HDX: variants seen among roughly 807,000 people sequenced by gnomAD.
HDX encodes the protein highly divergent homeobox.
In HDX, 19 loss-of-function variants were observed where a neutral mutation model predicts 45.2. The ratio of observed to expected loss-of-function variants is 0.42; its 90% confidence interval spans 0.29 to 0.62. The LOEUF (loss-of-function observed/expected upper bound fraction) is 0.62, where lower values mean the gene tolerates loss of function less well. Among genes scored for constraint, HDX ranks in the 20% least tolerant of loss-of-function variants. HDX has a pLI of 0.20. For missense variants in HDX, 532 were observed against 493.9 expected (o/e 1.08, Z -0.73); for synonymous variants, 188 against 172.8 (o/e 1.09, Z -0.69).
intron 6 of HDX, among the ~76,000 whole-genome samples, chrX:84,355,327 G>A (rs969726722): frequency 8.1e-5 from 9 of 110,878 alleles, no homozygotes; most frequent in African/African-American, 3.0e-4. Flanking sequence ...GCATTAAACT[G>A]AATTGTAGCA....
chrX:84,341,686 C>T (rs1374772191), intron 7 of HDX, among the ~76,000 whole-genome samples: 5 of 109,002 alleles, frequency 4.6e-5, no homozygotes, highest in African/African-American at 6.7e-5. Flanking sequence ...GAAATAATGA[C>T]GCCTCTTCCT....
intron 1 of HDX, among the ~76,000 whole-genome samples, chrX:84,501,027 AG>A (rs2041108893): frequency 9.0e-6 from 1 of 111,459 alleles, no homozygotes; most frequent in Non-Finnish European, 1.9e-5. Flanking sequence ...ACGTGTGAGA[AG>A]GCTTTCAAAG....
chrX:84,359,887 C>G (rs976075617), intron 6 of HDX, among the ~76,000 whole-genome samples: 15 of 111,790 alleles, frequency 1.3e-4, no homozygotes, highest in Admixed American at 9.5e-5. Flanking sequence ...GATTTTATGA[C>G]AAAAACATCA....
intron 8 of HDX, among the ~76,000 whole-genome samples, chrX:84,334,155 C>T (rs1463843869): frequency 9.0e-6 from 1 of 111,536 alleles, no homozygotes; most frequent in Non-Finnish European, 1.9e-5. Context: ...AATTTACTTC[C>T]TGTAATGGTG....
At chrX:84,466,528 C>T (rs942658534) in intron 4 of HDX, among the ~76,000 whole-genome samples, 27 of 111,659 alleles carry the variant, frequency 2.4e-4, no homozygotes, top group African/African-American at 6.8e-4. Flanking sequence ...ATCATTCATA[C>T]GACAGTTGCT....
chrX:84,335,382 G>C (rs769281789), intron 8 of HDX, among the ~76,000 whole-genome samples: 12 of 110,947 alleles, frequency 1.1e-4, no homozygotes, highest in Admixed American at 6.7e-4. Context: ...AAAAGTTACA[G>C]GCAGAGGAGA....
At chrX:84,502,123 C>T (rs762220657) in intron 1 of HDX, among the ~76,000 whole-genome samples, 74 of 111,111 alleles carry the variant, frequency 6.7e-4, no homozygotes, top group African/African-American at 2.4e-3. Context: ...TATCCCTATC[C>T]GCAGCTCGTT....
intron 6 of HDX, among the ~76,000 whole-genome samples, chrX:84,353,599 G>C (rs1328867182): frequency 9.0e-6 from 1 of 110,927 alleles, no homozygotes; most frequent in Non-Finnish European, 1.9e-5. Context: ...ATTATAGCAG[G>C]CTGTGATAGT....
chrX:84,399,003 A>T (rs1236276452), intron 5 of HDX, among the ~76,000 whole-genome samples: 1 of 111,713 alleles, frequency 9.0e-6, no homozygotes, highest in Non-Finnish European at 1.9e-5. Flanking sequence ...GGCATCAAGA[A>T]ATTCTTTGAA....
intron 2 of HDX, among the ~76,000 whole-genome samples, chrX:84,486,926 T>C (rs1326542252): frequency 8.9e-6 from 1 of 111,864 alleles, no homozygotes; most frequent in Non-Finnish European, 1.9e-5. Context: ...AATATTTTTT[T>C]CTACACCAAT....
intron 2 of HDX, among the ~76,000 whole-genome samples, chrX:84,479,242 A>G (rs1202238764): frequency 6.3e-5 from 7 of 111,094 alleles, no homozygotes; most frequent in Admixed American, 5.8e-4. Flanking sequence ...CCATCCAGCC[A>G]CCCCAGCTCC....
chrX:84,472,352 T>C (rs2040469316), intron 3 of HDX, among the ~76,000 whole-genome samples: 1 of 111,579 alleles, frequency 9.0e-6, no homozygotes, highest in South Asian at 3.7e-4. Context: ...AATAGCTATA[T>C]AGCAACCTAG....
At position 84,469,511 on chromosome X, in the gene HDX, G is replaced by A. The variant is rs749318476; in HGVS notation, c.212C>T (p.Thr71Ile). ...SKNSESGTAT[T>I]GTSLSAPDIT... is the part of the protein sequence containing the mutation. ...GTCTGGAGCTGACAAAGAGGTTCCT[G>A]TTGTTGCTGTTCCAGATTCAGAGTT... The change falls in exon 4 of 11, where the codon ACA becomes ATA. Residue 71 changes from threonine (T) to isoleucine (I), a missense_variant. By Grantham distance (89) the Thr-to-Ile change is moderately conservative. Transcript: ENST00000373177. The A allele has an allele frequency of 1.3e-5, 16 of 1,205,839 alleles. No homozygotes were observed. The highest frequency in any genetic ancestry group is 5.3e-5 in the South Asian group (3 of 56,245).
chrX:84,437,584 T>C (rs1046749535), intron 5 of HDX, among the ~76,000 whole-genome samples: 1 of 111,079 alleles, frequency 9.0e-6, no homozygotes, highest in African/African-American at 3.3e-5. Flanking sequence ...CCACTAGAGC[T>C]TCCAGTAATC....
intron 4 of HDX, among the ~76,000 whole-genome samples, chrX:84,446,944 T>C (rs1046942364): frequency 1.8e-5 from 2 of 111,742 alleles, no homozygotes; most frequent in African/African-American, 6.5e-5. Flanking sequence ...GTCTGGGGTC[T>C]GCCTGAGGAA....
chrX:84,444,537 G>A (rs186703986), intron 4 of HDX, among the ~76,000 whole-genome samples: 1 of 110,746 alleles, frequency 9.0e-6, no homozygotes, highest in Admixed American at 9.6e-5. Flanking sequence ...GAACTAAATA[G>A]TCTGGAGATA....
chrX:84,318,517 C>A lies in HDX; in HGVS notation c.*3372G>T, dbSNP rs1236671187. On this transcript the variant is annotated 3_prime_UTR_variant, in exon 11 of 11. Transcript: ENST00000373177. ...TTAAAAAGGATCACAAAATAGTTGTCTGAGATGAAGAAACTATCCCTTGGA... is the reference window on the plus strand; with the variant it reads ...TTAAAAAGGATCACAAAATAGTTGTATGAGATGAAGAAACTATCCCTTGGA... The A allele has an allele frequency of 9.0e-6, 1 of 110,827 alleles. No homozygotes were observed. The highest frequency in any genetic ancestry group is 1.9e-5 in the Non-Finnish European group (1 of 52,492). 9.1% of individuals were successfully genotyped at this position (110,827 alleles called of 1,213,427 possible). A position where few individuals can be genotyped will look rare whatever the true frequency, so the allele number is the denominator to read the frequency against.
At chrX:84,404,925 G>A (rs1229706597) in intron 5 of HDX, among the ~76,000 whole-genome samples, 1 of 110,876 alleles carries the variant, frequency 9.0e-6, no homozygotes, top group Non-Finnish European at 1.9e-5. Context: ...TTTCTACTGG[G>A]TTTTCTTTTG....
intron 7 of HDX, among the ~76,000 whole-genome samples, chrX:84,339,693 A>G (rs2037043746): frequency 9.0e-6 from 1 of 111,358 alleles, no homozygotes. Context: ...ATAATTACCC[A>G]GTAAAAACTC....
Sources: allele counts gnomAD v4.1 joint callset (sites outside exome capture counted in the v4.1 genomes callset), GRCh38; gene constraint gnomAD v4.1.1; transcripts MANE v1.5; gene names NCBI Gene and HGNC (gene_info 2026-07-23, HGNC 2026-07-21).